The following DPP10 variants were observed in gnomAD, a reference collection of about 807,000 sequenced individuals.
DPP10 encodes dipeptidyl peptidase like 10.
A neutral mutation model predicts 120.9 loss-of-function variants in DPP10; 33 were observed. The ratio of observed to expected loss-of-function variants is 0.27; its 90% CI spans 0.21 to 0.37. DPP10 has a LOEUF of 0.37. Among genes scored for constraint, DPP10 ranks in the 10% least tolerant of loss-of-function variants. DPP10 has a pLI of 1.00. For missense variants in DPP10, 816 were observed against 942.8 expected, an observed-to-expected ratio of 0.87 and a Z score of 1.76; for synonymous variants, 337 against 326.1, an observed-to-expected ratio of 1.03 and a Z score of -0.36.
chr2:115,115,326 G>A (rs569675899), intron 1 of DPP10, among the ~76,000 whole-genome samples: 1 of 152,230 alleles, frequency 6.6e-6, no homozygotes, highest in African/African-American at 2.4e-5. Flanking sequence ...GTGTTACTCT[G>A]CTGCTGTGAC....
chr2:115,256,501 G>A (rs12991665), intron 1 of DPP10, among the ~76,000 whole-genome samples: 5,980 of 152,276 alleles, frequency 0.039, 220 homozygotes, highest in East Asian at 0.19. Flanking sequence ...AGTTGGAGCA[G>A]TCAGGATTCA....
intron 1 of DPP10, among the ~76,000 whole-genome samples, chr2:114,553,507 T>G (rs1452793963): frequency 6.6e-6 from 1 of 152,196 alleles, no homozygotes; most frequent in Non-Finnish European, 1.5e-5. Flanking sequence ...GAGCGATATT[T>G]TTACCTTTTC....
intron 1 of DPP10, among the ~76,000 whole-genome samples, chr2:115,252,469 T>C (rs766304723): frequency 2.0e-5 from 3 of 152,234 alleles, no homozygotes; most frequent in Non-Finnish European, 2.9e-5. Context: ...GCCAAGCTTA[T>C]TGTTTAGTTT....
intron 24 of DPP10, among the ~76,000 whole-genome samples, chr2:115,838,901 T>A (rs1689806392): frequency 6.6e-6 from 1 of 152,144 alleles, no homozygotes; most frequent in Non-Finnish European, 1.5e-5. Flanking sequence ...ACTATTAATA[T>A]TATCTTCAAA....
chr2:115,425,281 C>A (rs1188881670), intron 3 of DPP10, among the ~76,000 whole-genome samples: 2 of 152,112 alleles, frequency 1.3e-5, no homozygotes, highest in Non-Finnish European at 2.9e-5. Context: ...CGTATCTAGG[C>A]ATTAAAAATG....
chr2:115,406,773 TTACAA>T (rs2068541920), intron 3 of DPP10, among the ~76,000 whole-genome samples: 1 of 152,056 alleles, frequency 6.6e-6, no homozygotes, highest in Non-Finnish European at 1.5e-5. Context: ...CACTAGAGCT[TTACAA>T]TATATGAAGT....
intron 1 of DPP10, among the ~76,000 whole-genome samples, chr2:114,765,537 G>T (rs551054381): frequency 1.8e-4 from 27 of 152,250 alleles, no homozygotes; most frequent in African/African-American, 6.3e-4. Context: ...CCGAGGACAG[G>T]CTTCAAAAGA....
At chr2:114,746,674 CT>C (rs2106013050) in intron 1 of DPP10, among the ~76,000 whole-genome samples, 1 of 152,270 alleles carries the variant, frequency 6.6e-6, no homozygotes, top group Non-Finnish European at 1.5e-5. Flanking sequence ...GAGCTTCTTT[CT>C]TCCTTTGCAT....
chr2:114,779,265 T>C (rs555537569), intron 1 of DPP10, among the ~76,000 whole-genome samples: 1 of 152,118 alleles, frequency 6.6e-6, no homozygotes, highest in Non-Finnish European at 1.5e-5. Flanking sequence ...TTCATAAAGA[T>C]TAAGCTAACT....
At chr2:114,539,813 A>T (rs1303470554) in intron 1 of DPP10, among the ~76,000 whole-genome samples, 1 of 152,320 alleles carries the variant, frequency 6.6e-6, no homozygotes, top group South Asian at 2.1e-4. Context: ...GGCCTCCCAT[A>T]TACAGCACTA....
chr2:114,733,822 A>G (rs1317834741), intron 1 of DPP10, among the ~76,000 whole-genome samples: 1 of 152,152 alleles, frequency 6.6e-6, no homozygotes, highest in African/African-American at 2.4e-5. Context: ...AGATGTTTCT[A>G]TTTTCTTCCG....
At chr2:114,632,411 T>G (rs1160678594) in intron 1 of DPP10, among the ~76,000 whole-genome samples, 2 of 151,708 alleles carry the variant, frequency 1.3e-5, no homozygotes, top group Non-Finnish European at 2.9e-5. Flanking sequence ...TATATATATT[T>G]GTATTTATCA....
chr2:115,803,897 C>G (rs1213550808), intron 19 of DPP10, among the ~76,000 whole-genome samples: 1 of 152,116 alleles, frequency 6.6e-6, no homozygotes, highest in African/African-American at 2.4e-5. Flanking sequence ...GTGAATCTGA[C>G]AATTATGTGT....
intron 1 of DPP10, among the ~76,000 whole-genome samples, chr2:114,663,364 A>T (rs892290025): frequency 6.6e-6 from 1 of 150,440 alleles, no homozygotes; most frequent in Admixed American, 6.7e-5. Flanking sequence ...GATGACTGGC[A>T]GTTATTGAAT....
chr2:115,562,178 C>A (rs2080728741), intron 5 of DPP10, among the ~76,000 whole-genome samples: 1 of 152,184 alleles, frequency 6.6e-6, no homozygotes, highest in Non-Finnish European at 1.5e-5. Flanking sequence ...TCGGGCTGTA[C>A]AAATCCTTCC....
At chr2:114,738,743 T>G (rs1181402323) in intron 1 of DPP10, among the ~76,000 whole-genome samples, 1 of 152,206 alleles carries the variant, frequency 6.6e-6, no homozygotes, top group Non-Finnish European at 1.5e-5. Flanking sequence ...CCCACTGACC[T>G]GTGGCCCTTT....
rs1284990031 is a variant in DPP10, at chr2:114,955,834, G to A, written c.61-353405G>A. ...TGATACATTGTGTTAATAGAATGAA[G>A]GACTAAGCTATATGATCATTTCAAT... On this transcript the variant is annotated intron_variant, in intron 1 of 25. Transcript: ENST00000410059. Among the ~76,000 whole-genome samples the A allele has an allele frequency of 2.6e-5, 4 of 152,130 alleles. No individual in the cohort carries two copies. The East Asian group carries it at 7.7e-4, about 29-fold the overall frequency.
At chr2:115,671,503 G>A (rs2089865296) in intron 5 of DPP10, among the ~76,000 whole-genome samples, 1 of 151,794 alleles carries the variant, frequency 6.6e-6, no homozygotes. Flanking sequence ...TAGCTATTGA[G>A]CACTGGTAGC....
chr2:115,286,630 G>A (rs1046037941), intron 1 of DPP10, among the ~76,000 whole-genome samples: 6 of 145,390 alleles, frequency 4.1e-5, no homozygotes, highest in East Asian at 4.1e-4. Context: ...GAGATTGTGG[G>A]GTGTGTGTCG....
Sources: allele counts gnomAD v4.1 joint callset (sites outside exome capture counted in the v4.1 genomes callset), GRCh38; gene constraint gnomAD v4.1.1; transcripts MANE v1.5; gene names NCBI Gene and HGNC (gene_info 2026-07-23, HGNC 2026-07-21).